The following CAV2 variants were observed in gnomAD, a reference collection of about 807,000 sequenced individuals.
The protein encoded by CAV2 is caveolin-2.
CAV2 carries 7 observed loss-of-function variants against 15.5 expected under a neutral mutation model. That is an observed-to-expected ratio of 0.45 (90% confidence interval 0.26 to 0.85). The LOEUF (loss-of-function observed/expected upper bound fraction) is 0.85. CAV2 is among the 40% of genes least tolerant of loss of function. The pLI is 0.18. For missense variants in CAV2, 229 were observed against 208.8 expected (o/e 1.10, Z -0.60); for synonymous variants, 76 against 83.1 (o/e 0.91, Z 0.46).
At position 116,500,411 on chromosome 7, in the gene CAV2, G is replaced by C; in HGVS notation, c.302G>C (p.Gly101Ala). ...GCCATTCCCCTGGCCTTCATTGCGG[G>C]AATTCTCTTTGCCACCCTCAGCTGT... The part of the protein sequence containing the change: ...FLAIPLAFIA[G>A]ILFATLSCLH... The change falls in exon 2 of 3, where the codon GGA becomes GCA. Residue 101 changes from glycine to alanine, a missense_variant. Physicochemically the swap from Gly to Ala is moderately conservative, Grantham distance 60 (BLOSUM62 0). Transcript: ENST00000222693. The C allele has an allele frequency of 6.2e-7, 1 of 1,614,084 alleles. No homozygotes were observed. The highest frequency in any genetic ancestry group is 2.2e-5 in the East Asian group (1 of 44,872).
At chr7:116,501,186 C>T (rs538852589) in intron 2 of CAV2, 2 of 152,314 alleles carry the variant, frequency 1.3e-5, no homozygotes, top group South Asian at 2.1e-4. Context: ...TCTATTCATA[C>T]TCAAAATGTG....
At chr7:116,504,841 G>C (rs1240427669) in intron 2 of CAV2, among the ~76,000 whole-genome samples, 1 of 152,148 alleles carries the variant, frequency 6.6e-6, no homozygotes, top group Non-Finnish European at 1.5e-5. Context: ...GGATAGACTA[G>C]TTTTCTTGTG....
chr7:116,500,073 C>A (rs1486206649), intron 1 of CAV2, 142 bp downstream of exon 1: 2 of 1,470,176 alleles, frequency 1.4e-6, no homozygotes, highest in Non-Finnish European at 1.8e-6. Context: ...CCGGTCCCAC[C>A]CGTCACCAGG....
In CAV2 at chr7:116,506,976, A is replaced by C. The variant is rs1223094715; in HGVS notation, c.*855A>C. Reference sequence around the variant, plus strand: ...TCTAACTTTTCCAAGCAAAATCTAAAATGTTTTATGACATTTTTCTGGCTG... The same window carrying C: ...TCTAACTTTTCCAAGCAAAATCTAACATGTTTTATGACATTTTTCTGGCTG... On this transcript the variant is annotated 3_prime_UTR_variant, in exon 3 of 3. Transcript: ENST00000222693. 3 of 152,392 alleles carry C rather than the reference A, an allele frequency of 2.0e-5. No individual in the cohort carries two copies. Among genetic ancestry groups the C allele is most frequent in the Non-Finnish European group, 4.4e-5 (3 of 68,010 alleles). 9.4% of individuals were successfully genotyped at this position (152,392 alleles called of 1,614,324 possible). A position where few individuals can be genotyped will look rare whatever the true frequency, so the allele number is the denominator to read the frequency against.
intron 2 of CAV2, among the ~76,000 whole-genome samples, chr7:116,505,383 CAT>C (rs1262341999): frequency 1.1e-4 from 17 of 152,148 alleles, no homozygotes; most frequent in African/African-American, 4.1e-4. Context: ...TTTTAGGCAA[CAT>C]ATTTTTTGTG....
rs753025158 is a variant in CAV2, at chr7:116,500,254, C to T, written c.151-6C>T. The T allele has an allele frequency of 6.2e-7, 1 of 1,612,856 alleles. No homozygotes were observed. On this transcript the variant is annotated splice_polypyrimidine_tract_variant and splice_region_variant and intron_variant, in intron 1 of 2. Coordinates refer to ENST00000222693, the MANE Select transcript of CAV2 (RefSeq NM_001233.5). ...AGTTCGGGGTCCCTGCGTCCTGTCT[C>T]CTCAGCTGGGCTTCGAGGATGTGAT... is the stretch of plus-strand genomic sequence containing the variant.
Position 116,499,854 on chromosome 7 carries a change from C to T in CAV2, c.73C>T (p.Leu25Phe), listed in dbSNP as rs201805077. 6.8e-6 allele frequency: 11 copies of T among 1,607,592 alleles called. No individual in the cohort carries two copies. The African/African-American group carries it at 1.5e-4, about 22-fold the overall frequency. Residue 25 changes from leucine to phenylalanine, a missense_variant, in exon 1 of 3, where the codon CTC becomes TTC. By Grantham distance (22) the Leu-to-Phe change is conservative (BLOSUM62 0). Transcript: ENST00000222693. ...CGACTCCTACAGCCACCACAGCGGC[C>T]TCGAGTACGCCGACCCCGAGAAGTT... ...DDDSYSHHSG[L>F]EYADPEKFAD...
Position 116,500,324 on chromosome 7 carries a change from G to A in CAV2, c.215G>A (p.Cys72Tyr), listed in dbSNP as rs1241659207. The A allele has an allele frequency of 6.2e-7, 1 of 1,613,674 alleles. No homozygotes were observed. Among genetic ancestry groups the A allele is most frequent in the Non-Finnish European group, 8.5e-7 (1 of 1,179,848 alleles). The change falls in exon 2 of 3, where the codon TGC becomes TAC. Residue 72 changes from cysteine to tyrosine, a missense_variant. Coordinates refer to ENST00000222693, the MANE Select transcript of CAV2 (RefSeq NM_001233.5). ...TTHSFDKVWI[C>Y]SHALFEISKY... ...CACTCCTTTGACAAAGTGTGGATCT[G>A]CAGCCATGCCCTCTTTGAAATCAGC...
At chr7:116,504,795 A>G (rs1333491570) in intron 2 of CAV2, among the ~76,000 whole-genome samples, 2 of 152,232 alleles carry the variant, frequency 1.3e-5, no homozygotes, top group South Asian at 2.1e-4. Context: ...ATATGCAGCT[A>G]TGTTAGGAAC....
At position 116,499,862 on chromosome 7, in the gene CAV2, C is replaced by T; in HGVS notation, c.81C>T (p.Tyr27=). The part of the protein sequence containing the change: ...DSYSHHSGLE[Y]ADPEKFADSD... ...ACAGCCACCACAGCGGCCTCGAGTA[C>T]GCCGACCCCGAGAAGTTCGCGGACT... Residue 27 remains tyrosine, a synonymous_variant, in exon 1 of 3, where the codon TAC becomes TAT. Coordinates refer to ENST00000222693, the MANE Select transcript of CAV2 (RefSeq NM_001233.5). The T allele has an allele frequency of 1.9e-6, 3 of 1,607,844 alleles. No individual in the cohort carries two copies. The highest frequency in any genetic ancestry group is 2.5e-6 in the Non-Finnish European group (3 of 1,178,146).
intron 2 of CAV2, 94 bp downstream of exon 2, chr7:116,500,541 T>A (rs1793079605): frequency 1.6e-6 from 2 of 1,262,326 alleles, no homozygotes; most frequent in Admixed American, 4.3e-5. Context: ...CAGGCCGGCG[T>A]CAGGAGGAGG....
chr7:116,500,726 C>A, intron 2 of CAV2: 1 of 380,906 alleles, frequency 2.6e-6, no homozygotes, highest in Non-Finnish European at 4.7e-6. Flanking sequence ...AGGCGGGTAC[C>A]TGGAAGCCAC....
intron 2 of CAV2, among the ~76,000 whole-genome samples, chr7:116,502,608 A>G (rs1793129448): frequency 1.3e-5 from 2 of 152,118 alleles, no homozygotes; most frequent in Admixed American, 1.3e-4. Flanking sequence ...TTTTCTTTTT[A>G]TATATATTTT....
chr7:116,506,175 A>G lies in CAV2; in HGVS notation c.*54A>G. On this transcript the variant is annotated 3_prime_UTR_variant, in exon 3 of 3. Transcript: ENST00000222693. ...GATACTGTAATACTTCTTTGTTATT[A>G]TAACATAAAAGCACCACTGTTCTGT... 1 of 1,575,478 alleles carries G rather than the reference A, an allele frequency of 6.3e-7. No homozygotes were observed. The highest frequency in any genetic ancestry group is 8.7e-7 in the Non-Finnish European group (1 of 1,147,018).
chr7:116,502,624 G>A (rs985303122), intron 2 of CAV2, among the ~76,000 whole-genome samples: 8 of 152,096 alleles, frequency 5.3e-5, no homozygotes, highest in Non-Finnish European at 1.2e-4. Context: ...ATTTTTTAAA[G>A]CAGGGGCTTG....
chr7:116,499,985 C>G, intron 1 of CAV2, 54 bp downstream of exon 1: 8 of 1,583,770 alleles, frequency 5.1e-6, no homozygotes, highest in Non-Finnish European at 6.9e-6. Flanking sequence ...GAGGTGCGGG[C>G]GCCCCTCAGC....
rs1300545994 is a variant in CAV2, at chr7:116,499,811, A to G, written c.30A>G (p.Val10=). 3.1e-6 allele frequency: 5 copies of G among 1,593,986 alleles called. No individual in the cohort carries two copies. Among genetic ancestry groups the G allele is most frequent in the Non-Finnish European group, 4.3e-6 (5 of 1,172,146 alleles). Residue 10 remains valine, a synonymous_variant, in exon 1 of 3, where the codon GTA becomes GTG. Coordinates refer to ENST00000222693, the MANE Select transcript of CAV2 (RefSeq NM_001233.5). MGLETEKAD[V]QLFMDDDSYS... ...GGCTGGAGACGGAGAAGGCGGACGT[A>G]CAGCTCTTCATGGACGACGACTCCT...
rs1238266650 is a variant in CAV2 at position 116,503,917 on chromosome 7, GGA to G, written c.339-2053_339-2052del. On this transcript the variant is annotated intron_variant, in intron 2 of 2. Coordinates refer to ENST00000222693, the MANE Select transcript of CAV2 (RefSeq NM_001233.5). ...AGGGAGGGAGGGAGGGAGGGAGGAA[GGA>G]AGGAAGGGAGGGAGGGAGGGAGGGA... Among the ~76,000 whole-genome samples, 19 of 96,136 alleles carry G rather than the reference GGA, an allele frequency of 2.0e-4. No homozygotes were observed. The East Asian group carries it at 2.1e-3, about 10-fold the overall frequency. 63.1% of individuals were successfully genotyped at this position (96,136 alleles called of 152,430 possible).
chr7:116,503,452 T>C (rs1232563787), intron 2 of CAV2, among the ~76,000 whole-genome samples: 2 of 152,176 alleles, frequency 1.3e-5, no homozygotes, highest in East Asian at 3.8e-4. Flanking sequence ...ACTTTTGACA[T>C]GTGCTAAATT....
Sources: gnomAD v4.1 joint callset for allele counts (sites outside exome capture counted in the v4.1 genomes callset) on GRCh38, gnomAD v4.1.1 for gene constraint, MANE v1.5 for transcripts, NCBI Gene and HGNC (gene_info 2026-07-23, HGNC 2026-07-21) for gene names.